CADM4: variants seen among roughly 807,000 people sequenced by gnomAD.
CADM4 encodes cell adhesion molecule 4, also known as TSLC1-like 2.
CADM4 carries 13 observed loss-of-function variants against 43.9 expected under a neutral mutation model. That is an observed-to-expected ratio of 0.30 (90% CI 0.19 to 0.47). The LOEUF is 0.47. CADM4 is among the 20% of genes least tolerant of loss of function. The probability of loss-of-function intolerance (pLI) is 1.00; values close to 1 mark genes in which losing one functional copy is unlikely to be tolerated. For synonymous variants in CADM4, 209 were observed against 220.9 expected, an observed-to-expected ratio of 0.95 and a Z score of 0.48; for missense variants, 420 against 527.0, an observed-to-expected ratio of 0.80 and a Z score of 1.99.
intron 1 of CADM4, among the ~76,000 whole-genome samples, chr19:43,630,008 G>A (rs973416095): frequency 6.6e-6 from 1 of 151,558 alleles, no homozygotes; most frequent in Non-Finnish European, 1.5e-5. Flanking sequence ...TCCCAGGCTC[G>A]AGTGATCCCA....
At chr19:43,634,597 G>C (rs1973674824) in intron 1 of CADM4, among the ~76,000 whole-genome samples, 1 of 151,486 alleles carries the variant, frequency 6.6e-6, no homozygotes, top group African/African-American at 2.4e-5. Context: ...GCTTTTGTTT[G>C]GGGGGTTGGG....
chr19:43,629,737 GC>G (rs1311916851), intron 1 of CADM4, among the ~76,000 whole-genome samples: 1 of 151,608 alleles, frequency 6.6e-6, no homozygotes, highest in East Asian at 1.9e-4. Context: ...TTCAGCCTCA[GC>G]CTCCCAAGTA....
Position 43,626,291 on chromosome 19 carries a change from G to A in CADM4, c.500-3C>T. On this transcript the variant is annotated splice_region_variant and splice_polypyrimidine_tract_variant and intron_variant, in intron 4 of 8. Transcript: ENST00000222374. The surrounding 1 kb of genome is among the most constrained non-coding windows in gnomAD (Gnocchi z 5.9). Reference sequence around the variant, plus strand: ...ATTTTCCTGGCTGCTGCTCACTCCTGCCACACCCCGGTCAGACACTGTCAG... The same window carrying A: ...ATTTTCCTGGCTGCTGCTCACTCCTACCACACCCCGGTCAGACACTGTCAG... 1 of 1,609,668 alleles carries A rather than the reference G, an allele frequency of 6.2e-7. No individual in the cohort carries two copies. Among genetic ancestry groups the A allele is most frequent in the Non-Finnish European group, 8.5e-7 (1 of 1,179,678 alleles).
chr19:43,625,750 T>G lies in CADM4; in HGVS notation c.755+161A>C, dbSNP rs1032849065. Among the ~76,000 whole-genome samples, 27 of 151,970 alleles carry G rather than the reference T, an allele frequency of 1.8e-4. No individual in the cohort carries two copies. The highest frequency in any genetic ancestry group is 6.3e-4 in the African/African-American group (26 of 41,440). The stretch of plus-strand genomic sequence containing the variant: ...ATCCCTATTCGTCCAGGTCCCCAGC[T>G]CTCTCCTCCTCAGGACCCAGGAATC... On this transcript the variant is annotated intron_variant, in intron 6 of 8. Coordinates refer to ENST00000222374, the MANE Select transcript of CADM4 (RefSeq NM_145296.2). This position sits in a 1 kb window ranked among gnomAD's most constrained non-coding sequence, Gnocchi z 4.5.
At chr19:43,635,495 A>G (rs574809300) in intron 1 of CADM4, among the ~76,000 whole-genome samples, 2 of 149,798 alleles carry the variant, frequency 1.3e-5, no homozygotes, top group Admixed American at 1.3e-4. Flanking sequence ...TTCCTCCCTC[A>G]GGACCCAGGA....
chr19:43,634,824 GCTCCCAGCCCCTCCT>G (rs1343450276), intron 1 of CADM4, among the ~76,000 whole-genome samples: 1 of 151,618 alleles, frequency 6.6e-6, no homozygotes, highest in Non-Finnish European at 1.5e-5. Flanking sequence ...AGGAGTCTAG[GCTCCCAGCCCCTCCT>G]CCATCAGGTT....
In CADM4 at chr19:43,625,157, G is replaced by C. The variant is rs201386568; in HGVS notation, c.849C>G (p.Ser283=). The change falls in exon 7 of 9, where the codon TCC becomes TCG. Residue 283 remains serine, a synonymous_variant. Transcript: ENST00000222374. The surrounding 1 kb of genome is among the most constrained non-coding windows in gnomAD (Gnocchi z 4.5). Reference sequence around the variant, plus strand: ...CGCAAGTGTAGGTGCCGTTATCCGCGGATACCAGACCCGGCAGCGTGAGCG... The same window carrying C: ...CGCAAGTGTAGGTGCCGTTATCCGCCGATACCAGACCCGGCAGCGTGAGCG... The part of the protein sequence containing the change: ...GETLTLPGLV[S]ADNGTYTCEA... 1.9e-6 allele frequency: 3 copies of C among 1,614,116 alleles called. No individual in the cohort carries two copies. The highest frequency in any genetic ancestry group is 2.5e-6 in the Non-Finnish European group (3 of 1,180,004).
At chr19:43,639,460 T>C (rs7257640) in intron 1 of CADM4, among the ~76,000 whole-genome samples, 21,084 of 141,110 alleles carry the variant, frequency 0.15, 2,149 homozygotes, top group Middle Eastern at 0.36. Context: ...GGCGGACTTG[T>C]GTGTGTAGGG....
chr19:43,626,728 A>G lies in CADM4; in HGVS notation c.499+56T>C, dbSNP rs1198716486. 41 of 1,493,996 alleles carry G rather than the reference A, an allele frequency of 2.7e-5. No homozygotes were observed. Among genetic ancestry groups the G allele is most frequent in the Non-Finnish European group, 3.6e-5 (40 of 1,119,020 alleles). 92.5% of individuals were successfully genotyped at this position (1,493,996 alleles called of 1,614,324 possible). On this transcript the variant is annotated intron_variant, in intron 4 of 8. Coordinates refer to ENST00000222374, the MANE Select transcript of CADM4 (RefSeq NM_145296.2). The surrounding 1 kb of genome is among the most constrained non-coding windows in gnomAD (Gnocchi z 5.9). ...TGTGGCTCCTCTCCACATATAAACA[A>G]CCTCTCCTAAGTCCCACCTCCTCCC...
chr19:43,637,007 ATC>A (rs1973714049), intron 1 of CADM4, among the ~76,000 whole-genome samples: 1 of 152,082 alleles, frequency 6.6e-6, no homozygotes, highest in Non-Finnish European at 1.5e-5. Flanking sequence ...TGTATTGGAT[ATC>A]TGTTTCCTCT....
chr19:43,624,848 ATTGT>A, intron 7 of CADM4: 1 of 566,174 alleles, frequency 1.8e-6, no homozygotes, highest in South Asian at 2.2e-5. Flanking sequence ...TATAGGTGCT[ATTGT>A]TTATTTCCAC....
intron 1 of CADM4, among the ~76,000 whole-genome samples, chr19:43,638,086 T>C (rs1347502257): frequency 6.6e-6 from 1 of 152,102 alleles, no homozygotes; most frequent in East Asian, 1.9e-4. Context: ...ATGTCTGTTG[T>C]AAAGAAAGGA....
rs774731999 is a variant in CADM4 at position 43,624,102 on chromosome 19, C to T, written c.1057+12G>A. 6.8e-6 allele frequency: 11 copies of T among 1,614,000 alleles called. No individual in the cohort carries two copies. Among genetic ancestry groups the T allele is most frequent in the African/African-American group, 5.3e-5 (4 of 74,932 alleles). On this transcript the variant is annotated intron_variant, in intron 8 of 8. Coordinates refer to ENST00000222374, the MANE Select transcript of CADM4 (RefSeq NM_145296.2). ...CCAACCAACCGTAGAGTCCAGGCCC[C>T]GTCCCACTCACCCTTCTGCCGTACC...
intron 1 of CADM4, among the ~76,000 whole-genome samples, chr19:43,630,693 T>A (rs1568542565): frequency 6.6e-6 from 1 of 152,160 alleles, no homozygotes; most frequent in Non-Finnish European, 1.5e-5. Context: ...TCTCTGATTC[T>A]GTATCCTGAA....
intron 1 of CADM4, among the ~76,000 whole-genome samples, chr19:43,638,947 G>A (rs545450370): frequency 3.3e-5 from 5 of 152,194 alleles, no homozygotes; most frequent in South Asian, 4.1e-4. Flanking sequence ...GGCTGTAAGC[G>A]TAGAGAGAGG....
At chr19:43,635,316 A>AC (rs1399936397) in intron 1 of CADM4, among the ~76,000 whole-genome samples, 2 of 148,300 alleles carry the variant, frequency 1.3e-5, no homozygotes, top group Non-Finnish European at 3.0e-5. Context: ...TCCTGACTGA[A>AC]CCCCCCTCAG....
chr19:43,641,116 C>T (rs1973767407), upstream of CADM4, among the ~76,000 whole-genome samples: 1 of 152,022 alleles, frequency 6.6e-6, no homozygotes, highest in African/African-American at 2.4e-5. Context: ...TTACAGGCGC[C>T]CGCCACCATG....
Position 43,627,059 on chromosome 19 carries a change from T to C in CADM4, c.364+107A>G. 5 of 1,483,790 alleles carry C rather than the reference T, an allele frequency of 3.4e-6. No homozygotes were observed. Among genetic ancestry groups the C allele is most frequent in the Non-Finnish European group, 4.5e-6 (5 of 1,105,692 alleles). 91.9% of individuals were successfully genotyped at this position (1,483,790 alleles called of 1,614,324 possible). On this transcript the variant is annotated intron_variant, in intron 3 of 8. Coordinates refer to ENST00000222374, the MANE Select transcript of CADM4 (RefSeq NM_145296.2). The surrounding 1 kb of genome is among the most constrained non-coding windows in gnomAD (Gnocchi z 4.0). ...CAAAGGGGAGAGGTCAGGAGCCAGA[T>C]GCCCATCCAGGATGTTAAAAATAGC...
chr19:43,624,291 G>C, intron 7 of CADM4, 49 bp from the exon 8 acceptor site: 1 of 1,612,884 alleles, frequency 6.2e-7, no homozygotes, highest in Admixed American at 1.7e-5. Flanking sequence ...GACGATCCCA[G>C]TCTGGCCCCA....
Sources: allele counts gnomAD v4.1 joint callset (sites outside exome capture counted in the v4.1 genomes callset), GRCh38; gene constraint gnomAD v4.1.1; non-coding constraint Gnocchi (gnomAD v3.1); transcripts MANE v1.5; gene names NCBI Gene and HGNC (gene_info 2026-07-23, HGNC 2026-07-21).